Variants in PJVK observed in about 807,000 individuals in gnomAD.
PJVK encodes autosomal recessive deafness type 59 protein.
In PJVK, 33 loss-of-function variants were observed where a neutral mutation model predicts 37.6. That is an observed-to-expected ratio of 0.88 (90% confidence interval 0.67 to 1.17). The LOEUF (loss-of-function observed/expected upper bound fraction) is 1.17. Ranked by LOEUF, PJVK falls within the 50% of genes most tolerant of loss-of-function variation. The pLI, the probability that PJVK is intolerant of heterozygous loss-of-function variation, is 0.00. For missense variants in PJVK, 410 were observed against 413.8 expected (o/e 0.99, Z 0.08); for synonymous variants, 141 against 143.5 (o/e 0.98, Z 0.13).
In PJVK at chr2:178,455,478, A is replaced by C. The variant is rs539515588; in HGVS notation, c.408-532A>C. The C allele has an allele frequency of 1.8e-5, 19 of 1,082,724 alleles. No homozygotes were observed. The African/African-American group carries it at 2.6e-4, about 15-fold the overall frequency. 67.1% of individuals were successfully genotyped at this position (1,082,724 alleles called of 1,614,324 possible). ...CTTGGGGCTGAGCTGCAACCACCCA[A>C]CTTTCTTTCCCACTCTTCTCTGGGA... On this transcript the variant is annotated intron_variant, in intron 3 of 6. Transcript: ENST00000644580.
chr2:178,453,652 T>G, intron 2 of PJVK, 32 bp downstream of exon 2: 1 of 1,558,302 alleles, frequency 6.4e-7, no homozygotes, highest in Non-Finnish European at 8.8e-7. Flanking sequence ...TGCCAACTCA[T>G]TCATCTGTAT....
chr2:178,455,042 C>A, intron 3 of PJVK: 1 of 1,254,778 alleles, frequency 8.0e-7, no homozygotes, highest in Non-Finnish European at 1.2e-6. Context: ...TGGCATCCAA[C>A]GGCGGCACCT....
intron 3 of PJVK, chr2:178,455,348 G>T (rs950224906): frequency 9.3e-6 from 12 of 1,290,620 alleles, no homozygotes; most frequent in Non-Finnish European, 1.1e-6. Flanking sequence ...AACCTCAGAC[G>T]AACAGAAGAA....
intron 5 of PJVK, 21 bp from the exon 6 acceptor site, chr2:178,460,327 T>G (rs1382082998): frequency 6.3e-7 from 1 of 1,593,608 alleles, no homozygotes; most frequent in South Asian, 1.1e-5. Flanking sequence ...TTATAACATC[T>G]TCTAACAATT....
intron 3 of PJVK, among the ~76,000 whole-genome samples, chr2:178,455,609 G>A (rs998643851): frequency 1.3e-5 from 2 of 150,926 alleles, no homozygotes; most frequent in South Asian, 2.1e-4. Context: ...TCCCCAGTTG[G>A]CCTACTGTTA....
chr2:178,453,320 A>C lies in PJVK; in HGVS notation c.-22-68A>C, dbSNP rs966441329. The C allele has an allele frequency of 7.7e-6, 10 of 1,306,114 alleles. No homozygotes were observed. In the African/African-American group the frequency reaches 1.5e-4, roughly 19 times the overall value. The allele number at this position is 1,306,114 out of a possible 1,614,324, so 80.9% of individuals were successfully genotyped here. On this transcript the variant is annotated intron_variant, in intron 1 of 6. Coordinates refer to ENST00000644580, the MANE Select transcript of PJVK (RefSeq NM_001042702.5). ...TTTTTAAGATGTATAATTATATTTAAAAACAAGCAATGCTTAATTTTGTGC... is the reference window on the plus strand; with the variant it reads ...TTTTTAAGATGTATAATTATATTTACAAACAAGCAATGCTTAATTTTGTGC...
chr2:178,454,221 T>G, intron 2 of PJVK, 111 bp from the exon 3 acceptor site: 1 of 907,418 alleles, frequency 1.1e-6, no homozygotes, highest in Non-Finnish European at 1.7e-6. Context: ...TCATGTTGCC[T>G]TTCTCTAACA....
In PJVK at chr2:178,453,451, A is replaced by T; in HGVS notation, c.42A>T (p.Gly14=). The change falls in exon 2 of 7, where the codon GGA becomes GGT. Residue 14 remains glycine, a synonymous_variant. Coordinates refer to ENST00000644580, the MANE Select transcript of PJVK (RefSeq NM_001042702.5). ...AATKSFVKQV[G]DGGRLVPVPS... Reference sequence around the variant, plus strand: ...CCAAGAGCTTTGTCAAGCAAGTTGGAGATGGAGGGAGATTAGTTCCTGTTC... The same window carrying T: ...CCAAGAGCTTTGTCAAGCAAGTTGGTGATGGAGGGAGATTAGTTCCTGTTC... The T allele has an allele frequency of 6.2e-7, 1 of 1,614,164 alleles. No individual in the cohort carries two copies. Among genetic ancestry groups the T allele is most frequent in the Non-Finnish European group, 8.5e-7 (1 of 1,180,006 alleles).
intron 1 of PJVK, chr2:178,452,464 A>G (rs530017934): frequency 5.1e-6 from 5 of 985,348 alleles, no homozygotes; most frequent in African/African-American, 1.7e-5. Context: ...ATAGATTACT[A>G]TCCATCACTG....
intron 3 of PJVK, 152 bp from the exon 4 acceptor site, chr2:178,455,858 C>A (rs1342730006): frequency 1.5e-5 from 12 of 812,742 alleles, no homozygotes; most frequent in Non-Finnish European, 2.1e-5. Context: ...CAAATTATTA[C>A]ATTTCTTTTG....
At chr2:178,455,661 A>T (rs1434251251) in intron 3 of PJVK, among the ~76,000 whole-genome samples, 1 of 151,654 alleles carries the variant, frequency 6.6e-6, no homozygotes, top group South Asian at 2.1e-4. Context: ...AAAAAAAACC[A>T]CTTGGCTTAA....
chr2:178,451,657 C>T lies in PJVK; in HGVS notation c.-135C>T, dbSNP rs1289746046. Reference sequence around the variant, plus strand: ...CTCCAGGGGGCTGCGGTGCGCTCTTCGGGTCCCCGAGCCCTGTGTTTAGGA... The same window carrying T: ...CTCCAGGGGGCTGCGGTGCGCTCTTTGGGTCCCCGAGCCCTGTGTTTAGGA... On this transcript the variant is annotated 5_prime_UTR_variant, in exon 1 of 7. Transcript: ENST00000644580. 1.5e-5 allele frequency: 6 copies of T among 408,210 alleles called. No homozygotes were observed. The highest frequency in any genetic ancestry group is 2.0e-5 in the Non-Finnish European group (6 of 302,574). The allele number at this position is 408,210 out of a possible 1,614,324, so 25.3% of individuals were successfully genotyped here. A position where few individuals can be genotyped will look rare whatever the true frequency, so the allele number is the denominator to read the frequency against.
chr2:178,453,351 T>C lies in PJVK; in HGVS notation c.-22-37T>C. Reference sequence around the variant, plus strand: ...AGCAATGCTTAATTTTGTGCCTGATTTTCCTCTTTAAAAATGGATTTATCT... The same window carrying C: ...AGCAATGCTTAATTTTGTGCCTGATCTTCCTCTTTAAAAATGGATTTATCT... On this transcript the variant is annotated intron_variant, in intron 1 of 6. Transcript: ENST00000644580. The C allele has an allele frequency of 1.9e-6, 3 of 1,572,392 alleles. No homozygotes were observed. The South Asian group carries it at 3.4e-5, about 18-fold the overall frequency.
At chr2:178,457,333 C>T (rs1006609371) in intron 4 of PJVK, among the ~76,000 whole-genome samples, 30 of 152,108 alleles carry the variant, frequency 2.0e-4, no homozygotes, top group Non-Finnish European at 4.3e-4. Flanking sequence ...AAAATATTAG[C>T]GGCAAGGTGC....
chr2:178,456,303 C>G (rs1684077398), intron 4 of PJVK, 152 bp downstream of exon 4: 3 of 875,128 alleles, frequency 3.4e-6, no homozygotes, highest in Non-Finnish European at 5.3e-6. Context: ...AATGTCTGTT[C>G]TAGAATATGA....
At chr2:178,454,615 G>A in intron 3 of PJVK, 88 bp downstream of exon 3, 1 of 1,479,742 alleles carries the variant, frequency 6.8e-7, no homozygotes, top group East Asian at 2.4e-5. Context: ...TTAAAACATT[G>A]AGGTTGTATT....
At chr2:178,455,331 G>C (rs1683979680) in intron 3 of PJVK, 1 of 1,285,268 alleles carries the variant, frequency 7.8e-7, no homozygotes. Flanking sequence ...AAGTCCATGG[G>C]GCTGCCAACC....
intron 1 of PJVK, chr2:178,452,320 T>G (rs1003630959): frequency 5.1e-6 from 5 of 983,192 alleles, no homozygotes; most frequent in Non-Finnish European, 6.0e-6. Flanking sequence ...AAAAAGCGAT[T>G]TGTTGTTTTG....
At chr2:178,460,848 CAAAAAAAAA>C (rs748779811) in intron 6 of PJVK, 125 bp from the exon 7 acceptor site, 140 of 310,280 alleles carry the variant, frequency 4.5e-4, no homozygotes, top group Non-Finnish European at 6.1e-4. Context: ...GACCCTGTCT[CAAAAAAAAA>C]AAAAAAAAAA....
Sources: allele counts gnomAD v4.1 joint callset (sites outside exome capture counted in the v4.1 genomes callset), GRCh38; gene constraint gnomAD v4.1.1; transcripts MANE v1.5; gene names NCBI Gene and HGNC (gene_info 2026-07-23, HGNC 2026-07-21).